The following MAMDC2 variants were observed in gnomAD, a reference collection of about 807,000 sequenced individuals.
The protein encoded by MAMDC2 is MAM domain containing 2, also known as MAM domain-containing protein 2.
In MAMDC2, 57 loss-of-function variants were observed where a neutral mutation model predicts 89.8. The ratio of observed to expected loss-of-function variants is 0.63; its 90% confidence interval spans 0.51 to 0.79. The LOEUF (loss-of-function observed/expected upper bound fraction) is 0.79, where lower values mean the gene tolerates loss of function less well. MAMDC2 is among the 30% of genes least tolerant of loss of function. The probability of loss-of-function intolerance (pLI) is 0.00; values close to 1 mark genes in which losing one functional copy is unlikely to be tolerated. For synonymous variants in MAMDC2, 313 were observed against 293.4 expected (o/e 1.07, Z -0.68); for missense variants, 800 against 820.6 (o/e 0.97, Z 0.31).
At chr9:70,084,256 T>C (rs919398505) in intron 2 of MAMDC2, among the ~76,000 whole-genome samples, 5 of 152,126 alleles carry the variant, frequency 3.3e-5, no homozygotes, top group African/African-American at 1.2e-4. Flanking sequence ...CCTCCTTATG[T>C]TGTATCTTGG....
At chr9:70,055,482 T>C (rs1258613693) in intron 2 of MAMDC2, among the ~76,000 whole-genome samples, 1 of 152,142 alleles carries the variant, frequency 6.6e-6, no homozygotes, top group African/African-American at 2.4e-5. Context: ...GATGCTTTTG[T>C]TATTCCAGAG....
chr9:70,213,918 T>G (rs2033401499), intron 11 of MAMDC2, among the ~76,000 whole-genome samples: 1 of 152,198 alleles, frequency 6.6e-6, no homozygotes, highest in Non-Finnish European at 1.5e-5. Flanking sequence ...ACTTCACACA[T>G]TTGGAGTGAC....
intron 3 of MAMDC2, among the ~76,000 whole-genome samples, 156 bp from the exon 4 acceptor site, chr9:70,109,564 C>T (rs998226830): frequency 2.0e-5 from 3 of 152,176 alleles, no homozygotes; most frequent in Admixed American, 2.0e-4. Flanking sequence ...TAGTAAAGTC[C>T]GTAGTGAAAT....
At chr9:70,185,426 C>G (rs1424730124) in intron 11 of MAMDC2, among the ~76,000 whole-genome samples, 1 of 152,190 alleles carries the variant, frequency 6.6e-6, no homozygotes, top group East Asian at 1.9e-4. Context: ...GGAGAATCCT[C>G]CCTGTCAGGA....
rs1455312885 is a variant in MAMDC2 at position 70,110,746 on chromosome 9, A to T, written c.505+942A>T. Among the ~76,000 whole-genome samples the T allele has an allele frequency of 2.0e-5, 3 of 152,140 alleles. No homozygotes were observed. In the South Asian group the frequency reaches 6.2e-4, roughly 32 times the overall value. ...GACTCCAGCTGCCACGTGGAAAATG[A>T]GTTGGGTACAAAGAAAATGCATAGC... is the stretch of plus-strand genomic sequence containing the variant. On this transcript the variant is annotated intron_variant, in intron 4 of 13. Coordinates refer to ENST00000377182, the MANE Select transcript of MAMDC2 (RefSeq NM_153267.5).
chr9:70,162,909 C>CAA (rs56289208), intron 9 of MAMDC2, among the ~76,000 whole-genome samples: 108,597 of 140,946 alleles, frequency 0.77, 41,764 homozygotes, highest in Admixed American at 0.81. Context: ...CCACCCCCCT[C>CAA]AAAAAAAAAA....
chr9:70,096,914 G>A (rs563006149), intron 2 of MAMDC2, among the ~76,000 whole-genome samples: 2 of 152,138 alleles, frequency 1.3e-5, no homozygotes, highest in African/African-American at 4.8e-5. Flanking sequence ...TATAAATAAG[G>A]GCCACCTCTA....
At chr9:70,203,511 G>A (rs922360075) in intron 11 of MAMDC2, among the ~76,000 whole-genome samples, 1 of 137,788 alleles carries the variant, frequency 7.3e-6, no homozygotes, top group African/African-American at 2.6e-5. Flanking sequence ...TTTCAACTTT[G>A]GTGAATCTGA....
chr9:70,146,803 C>T (rs540113464), intron 9 of MAMDC2, among the ~76,000 whole-genome samples: 1 of 151,688 alleles, frequency 6.6e-6, no homozygotes, highest in South Asian at 2.1e-4. Context: ...GGCATGGTGG[C>T]ACGTGCCTGT....
At chr9:70,207,764 G>A (rs894404192) in intron 11 of MAMDC2, among the ~76,000 whole-genome samples, 37 of 152,222 alleles carry the variant, frequency 2.4e-4, no homozygotes, top group African/African-American at 7.7e-4. Context: ...TATGGTTTTA[G>A]GTCTAACATT....
chr9:70,116,932 T>C (rs2030028886), intron 5 of MAMDC2, among the ~76,000 whole-genome samples: 1 of 152,142 alleles, frequency 6.6e-6, no homozygotes, highest in Admixed American at 6.5e-5. Flanking sequence ...TCTTCTTCCT[T>C]GGCTATTCTA....
chr9:70,189,321 A>G (rs973841096), intron 11 of MAMDC2, among the ~76,000 whole-genome samples: 10 of 151,966 alleles, frequency 6.6e-5, no homozygotes, highest in African/African-American at 1.9e-4. Context: ...TAGAATTCTT[A>G]GTTTTCTTTC....
At chr9:70,117,278 G>T (rs2030048396) in intron 5 of MAMDC2, among the ~76,000 whole-genome samples, 1 of 152,126 alleles carries the variant, frequency 6.6e-6, no homozygotes, top group Non-Finnish European at 1.5e-5. Flanking sequence ...TATACACCAT[G>T]GAATACTATG....
chr9:70,168,888 T>C, intron 10 of MAMDC2, 93 bp downstream of exon 10: 1 of 1,089,306 alleles, frequency 9.2e-7, no homozygotes, highest in Non-Finnish European at 1.4e-6. Flanking sequence ...TCTGTGCTAG[T>C]CCATCCTTTG....
intron 12 of MAMDC2, among the ~76,000 whole-genome samples, chr9:70,221,407 A>AGAGAGAGAGAGAGAGAGAGG (rs1491076799): frequency 4.2e-5 from 5 of 119,936 alleles, no homozygotes; most frequent in African/African-American, 1.6e-4. Context: ...AGAGAGAGAG[A>AGAGAGAGAGAGAGAGAGAGG]GTAACATCAG....
At chr9:70,107,763 T>A (rs1216360383) in intron 2 of MAMDC2, among the ~76,000 whole-genome samples, 1 of 152,210 alleles carries the variant, frequency 6.6e-6, no homozygotes, top group Admixed American at 6.5e-5. Flanking sequence ...AGGAGAAGGT[T>A]GAGTCCACCC....
chr9:70,221,376 T>TAGAGAGAGAGAGAG (rs1471293661), intron 12 of MAMDC2, among the ~76,000 whole-genome samples: 3 of 5,792 alleles, frequency 5.2e-4, no homozygotes, highest in South Asian at 0.011. Flanking sequence ...TATATATATA[T>TAGAGAGAGAGAGAG]ATATAGAGAG....
intron 9 of MAMDC2, among the ~76,000 whole-genome samples, chr9:70,149,028 C>CAA (rs58600001): frequency 2.8e-5 from 2 of 70,650 alleles, no homozygotes; most frequent in African/African-American, 1.1e-4. Context: ...GACTCTGTCT[C>CAA]AAAAAAAAAA....
At chr9:70,182,413 T>C (rs2032663724) in intron 11 of MAMDC2, among the ~76,000 whole-genome samples, 3 of 152,314 alleles carry the variant, frequency 2.0e-5, no homozygotes, top group Admixed American at 6.5e-5. Flanking sequence ...TTGCTTGGAA[T>C]AATTTCAGAA....
Sources: gnomAD v4.1 joint callset for allele counts (sites outside exome capture counted in the v4.1 genomes callset) on GRCh38, gnomAD v4.1.1 for gene constraint, MANE v1.5 for transcripts, NCBI Gene and HGNC (gene_info 2026-07-23, HGNC 2026-07-21) for gene names.